Variants in MTBP observed in about 807,000 individuals in gnomAD.
MTBP encodes MDM2 binding protein, also known as mdm2-binding protein.
MTBP carries 101 observed loss-of-function variants against 117.0 expected under a neutral mutation model. The observed-to-expected ratio is 0.86, with a 90% CI of 0.73 to 1.02. The LOEUF (loss-of-function observed/expected upper bound fraction) is 1.02, where lower values mean the gene tolerates loss of function less well. Ranked by LOEUF, MTBP falls within the 50% of genes least tolerant of loss-of-function variation. The pLI, the probability that MTBP is intolerant of heterozygous loss-of-function variation, is 0.00. For missense variants in MTBP, 970 were observed against 1,030.9 expected, an observed-to-expected ratio of 0.94 and a Z score of 0.81; for synonymous variants, 350 against 351.5, an observed-to-expected ratio of 1.00 and a Z score of 0.05.
At chr8:120,480,504 CA>C (rs1390840956) in intron 11 of MTBP, among the ~76,000 whole-genome samples, 1 of 151,968 alleles carries the variant, frequency 6.6e-6, no homozygotes, top group Admixed American at 6.6e-5. Flanking sequence ...AAAGGAAAAA[CA>C]ACATTTGAGA....
intron 11 of MTBP, 100 bp from the exon 12 acceptor site, chr8:120,488,059 T>C (rs1814255159): frequency 2.0e-6 from 2 of 1,011,048 alleles, no homozygotes; most frequent in Non-Finnish European, 2.8e-6. Context: ...TGTTTTAAAA[T>C]AACAAAAAAT....
chr8:120,470,315 T>A (rs925662163), intron 10 of MTBP, among the ~76,000 whole-genome samples: 1 of 152,206 alleles, frequency 6.6e-6, no homozygotes, highest in Non-Finnish European at 1.5e-5. Context: ...TTCTCCTCAG[T>A]TTTTACCTAT....
rs554232877 is a variant in MTBP, at chr8:120,481,477, G to T, written c.1166-6682G>T. On this transcript the variant is annotated intron_variant, in intron 11 of 21. Transcript: ENST00000305949. ...TTTTTTGCATATAATGGAATACTGA[G>T]GAATGAGAAGGCATGAAAAGTTTGG... is the stretch of plus-strand genomic sequence containing the variant. Among the ~76,000 whole-genome samples, 3 of 152,238 alleles carry T rather than the reference G, an allele frequency of 2.0e-5. No individual in the cohort carries two copies. In the South Asian group the frequency reaches 6.2e-4, roughly 32 times the overall value.
chr8:120,457,648 CAGTG>C (rs1399837114), intron 7 of MTBP, among the ~76,000 whole-genome samples: 2 of 152,084 alleles, frequency 1.3e-5, no homozygotes, highest in Non-Finnish European at 2.9e-5. Context: ...AGGCTGGGCG[CAGTG>C]GGTGGCTCAC....
In MTBP at chr8:120,461,798, A is replaced by C. The variant is rs534625319; in HGVS notation, c.977+543A>C. On this transcript the variant is annotated intron_variant, in intron 9 of 21. Transcript: ENST00000305949. ...TCCTGAAATCCAGGAATACATCTCCATGACTTCTGTGTTTTACTCAATATG... is the reference window on the plus strand; with the variant it reads ...TCCTGAAATCCAGGAATACATCTCCCTGACTTCTGTGTTTTACTCAATATG... 9.2e-5 allele frequency among the ~76,000 whole-genome samples: 14 copies of C among 152,262 alleles called. No individual in the cohort carries two copies. In the East Asian group the frequency reaches 2.7e-3, roughly 29 times the overall value.
intron 4 of MTBP, 34 bp downstream of exon 4, chr8:120,451,356 A>G (rs754239552): frequency 1.3e-6 from 2 of 1,500,396 alleles, no homozygotes; most frequent in East Asian, 2.3e-5. Context: ...TATCATTAAA[A>G]TACTTAATAT....
chr8:120,458,807 C>A (rs991922210), intron 7 of MTBP, among the ~76,000 whole-genome samples: 13 of 149,476 alleles, frequency 8.7e-5, no homozygotes, highest in Admixed American at 7.3e-4. Context: ...CGCCACTGCA[C>A]TCCAGCCTGG....
intron 17 of MTBP, among the ~76,000 whole-genome samples, chr8:120,510,248 T>C (rs1285511978): frequency 1.3e-5 from 2 of 152,186 alleles, no homozygotes; most frequent in African/African-American, 4.8e-5. Context: ...ATCCTATTAT[T>C]AGTTACTATA....
chr8:120,491,698 G>A (rs1010991257), intron 13 of MTBP, among the ~76,000 whole-genome samples: 2 of 152,086 alleles, frequency 1.3e-5, no homozygotes, highest in East Asian at 1.9e-4. Flanking sequence ...AACCCGTCAG[G>A]CCCTGATTTC....
chr8:120,479,426 A>G (rs1310538360), intron 11 of MTBP, among the ~76,000 whole-genome samples: 1 of 152,118 alleles, frequency 6.6e-6, no homozygotes, highest in African/African-American at 2.4e-5. Context: ...GTCAACAAAT[A>G]TTTTTCTGTG....
chr8:120,482,626 AAATCCTGTGTTTTTAT>A (rs1814109791), intron 11 of MTBP, among the ~76,000 whole-genome samples: 1 of 152,194 alleles, frequency 6.6e-6, no homozygotes, highest in African/African-American at 2.4e-5. Context: ...TGGAATTTAT[AAATCCTGTGTTTTTAT>A]AATTTTCACA....
At position 120,522,714 on chromosome 8, in the gene MTBP, G is replaced by C; in HGVS notation, c.2671G>C (p.Val891Leu). The C allele has an allele frequency of 1.3e-6, 2 of 1,595,668 alleles. No homozygotes were observed. Among genetic ancestry groups the C allele is most frequent in the Non-Finnish European group, 1.7e-6 (2 of 1,170,876 alleles). ...GAAGAAAACAGCAAACAACAATGCTGTACAGGTAAAGAAATTATTCCCAAG... is the reference window on the plus strand; with the variant it reads ...GAAGAAAACAGCAAACAACAATGCTCTACAGGTAAAGAAATTATTCCCAAG... ...EMKKTANNNA[V>L]QVIDWVLEKT... is the part of the protein sequence containing the mutation. Residue 891 changes from valine (V) to leucine (L), a missense_variant, in exon 21 of 22, where the codon GTA (valine) becomes CTA (leucine). By Grantham distance (32) the Val-to-Leu change is conservative (BLOSUM62 1). Transcript: ENST00000305949.
intron 16 of MTBP, among the ~76,000 whole-genome samples, chr8:120,508,664 G>A (rs1443490891): frequency 1.3e-5 from 2 of 152,066 alleles, no homozygotes; most frequent in African/African-American, 4.8e-5. Context: ...AATGCCATAG[G>A]GGGGAAAATG....
chr8:120,510,156 A>G (rs1307310922), intron 17 of MTBP, 127 bp downstream of exon 17: 3 of 602,672 alleles, frequency 5.0e-6, no homozygotes, highest in Non-Finnish European at 8.1e-6. Flanking sequence ...AAACCTCAAA[A>G]AGCAAAGTAG....
At chr8:120,515,173 C>T (rs1305410277) in intron 17 of MTBP, among the ~76,000 whole-genome samples, 2 of 151,924 alleles carry the variant, frequency 1.3e-5, no homozygotes, top group African/African-American at 2.4e-5. Context: ...GTGCTACCAT[C>T]ACATATGTGA....
chr8:120,492,499 C>G (rs1814366158), intron 13 of MTBP, among the ~76,000 whole-genome samples: 1 of 151,712 alleles, frequency 6.6e-6, no homozygotes, highest in Non-Finnish European at 1.5e-5. Flanking sequence ...GAACAGCTCT[C>G]TTTGGAAAAA....
At chr8:120,494,662 A>C (rs1814415073) in intron 13 of MTBP, among the ~76,000 whole-genome samples, 1 of 152,206 alleles carries the variant, frequency 6.6e-6, no homozygotes, top group Non-Finnish European at 1.5e-5. Context: ...TGCTTCTTCA[A>C]GTGAAGTCAT....
chr8:120,522,755 A>C, intron 21 of MTBP, 36 bp downstream of exon 21: 1 of 1,505,142 alleles, frequency 6.6e-7, no homozygotes, highest in Non-Finnish European at 9.1e-7. Context: ...ATATTCAATT[A>C]AATTGGTATT....
intron 2 of MTBP, among the ~76,000 whole-genome samples, chr8:120,448,066 G>A (rs536742705): frequency 5.9e-4 from 89 of 151,834 alleles, no homozygotes; most frequent in Non-Finnish European, 8.5e-4. Flanking sequence ...TGAGTAGCAG[G>A]GACTATAGGC....
Sources: allele counts gnomAD v4.1 joint callset (sites outside exome capture counted in the v4.1 genomes callset), GRCh38; gene constraint gnomAD v4.1.1; transcripts MANE v1.5; gene names NCBI Gene and HGNC (gene_info 2026-07-23, HGNC 2026-07-21).